The following ENTHD1 variants were observed in gnomAD, a reference collection of about 807,000 sequenced individuals.
The protein encoded by ENTHD1 is ENTH domain-containing protein 1.
Under a neutral mutation model 39.1 loss-of-function variants are expected in ENTHD1, and 23 were observed. The observed-to-expected ratio is 0.59, with a 90% CI of 0.42 to 0.83. The LOEUF (loss-of-function observed/expected upper bound fraction) is 0.83. ENTHD1 is among the 40% of genes least tolerant of loss of function. The probability of loss-of-function intolerance (pLI) is 0.00; values close to 1 mark genes in which losing one functional copy is unlikely to be tolerated. For synonymous variants in ENTHD1, 230 were observed against 258.2 expected, an observed-to-expected ratio of 0.89 and a Z score of 1.05; for missense variants, 624 against 705.4, an observed-to-expected ratio of 0.88 and a Z score of 1.31.
intron 2 of ENTHD1, among the ~76,000 whole-genome samples, chr22:39,864,780 T>C (rs1300633670): frequency 6.6e-6 from 1 of 152,096 alleles, no homozygotes; most frequent in African/African-American, 2.4e-5. Flanking sequence ...TAATCCCAAC[T>C]ACTCAGGTGG....
At chr22:39,892,213 G>A (rs1361878511) in intron 1 of ENTHD1, among the ~76,000 whole-genome samples, 4 of 152,140 alleles carry the variant, frequency 2.6e-5, no homozygotes, top group East Asian at 1.9e-4. Flanking sequence ...AAATGATTAC[G>A]TAGAAAAGGT....
chr22:39,756,183 C>G (rs181712727), intron 6 of ENTHD1, among the ~76,000 whole-genome samples: 1 of 152,310 alleles, frequency 6.6e-6, no homozygotes, highest in Admixed American at 6.5e-5. Flanking sequence ...AAGCCATGCT[C>G]TGACCAATTC....
intron 3 of ENTHD1, 93 bp from the exon 4 acceptor site, chr22:39,836,051 GATAC>G: frequency 1.1e-6 from 1 of 872,292 alleles, no homozygotes; most frequent in South Asian, 2.2e-5. Context: ...CACTTCTGAA[GATAC>G]CTTTTTTTCC....
chr22:39,815,229 G>A (rs560821212), intron 5 of ENTHD1, among the ~76,000 whole-genome samples: 3 of 152,194 alleles, frequency 2.0e-5, no homozygotes, highest in African/African-American at 4.8e-5. Context: ...GATCACCTGA[G>A]GTCAGGAGTT....
chr22:39,823,745 T>C (rs544493829), intron 4 of ENTHD1, among the ~76,000 whole-genome samples: 3 of 152,342 alleles, frequency 2.0e-5, no homozygotes, highest in African/African-American at 4.8e-5. Context: ...CCAAACTGTT[T>C]TCCAGAGTAG....
At chr22:39,800,085 G>A (rs1789989065) in intron 5 of ENTHD1, among the ~76,000 whole-genome samples, 2 of 152,194 alleles carry the variant, frequency 1.3e-5, no homozygotes, top group Non-Finnish European at 2.9e-5. Flanking sequence ...CTAGTCTTGG[G>A]GACCACAAGG....
chr22:39,832,752 G>C (rs1021906449), intron 4 of ENTHD1, among the ~76,000 whole-genome samples: 1 of 152,090 alleles, frequency 6.6e-6, no homozygotes, highest in Non-Finnish European at 1.5e-5. Context: ...AAACTGAAAG[G>C]CCCCCGGGGA....
chr22:39,804,854 A>G (rs2065628133), intron 5 of ENTHD1, among the ~76,000 whole-genome samples: 1 of 152,188 alleles, frequency 6.6e-6, no homozygotes, highest in South Asian at 2.1e-4. Context: ...TGTAACAGAT[A>G]AAGATTTGGG....
intron 3 of ENTHD1, among the ~76,000 whole-genome samples, chr22:39,850,116 T>C (rs992703481): frequency 5.3e-5 from 8 of 152,212 alleles, no homozygotes; most frequent in Non-Finnish European, 1.2e-4. Flanking sequence ...TCATCAATTA[T>C]AAAATCCATA....
chr22:39,874,464 G>C (rs766073564), intron 2 of ENTHD1: 4 of 151,978 alleles, frequency 2.6e-5, no homozygotes, highest in African/African-American at 7.3e-5. Context: ...CACATACAGC[G>C]GTGAGGAAGG....
Position 39,783,134 on chromosome 22 carries a change from A to G in ENTHD1, c.833-17525T>C, listed in dbSNP as rs1015373074. Among the ~76,000 whole-genome samples the G allele has an allele frequency of 9.9e-5, 15 of 152,184 alleles. No individual in the cohort carries two copies. The South Asian group carries it at 1.7e-3, about 17-fold the overall frequency. ...TCAGTAGCACTTATATATGCTAACA[A>G]TGCACAACCTGAAAAAGAAATCATA... On this transcript the variant is annotated intron_variant, in intron 5 of 6. Transcript: ENST00000325157.
intron 2 of ENTHD1, among the ~76,000 whole-genome samples, chr22:39,873,747 G>C (rs2066263208): frequency 1.3e-5 from 2 of 152,172 alleles, no homozygotes; most frequent in African/African-American, 4.8e-5. Context: ...AGATAAGAAT[G>C]AACTCTATCT....
intron 5 of ENTHD1, among the ~76,000 whole-genome samples, chr22:39,811,129 C>T (rs2065682446): frequency 6.6e-6 from 1 of 152,168 alleles, no homozygotes; most frequent in Non-Finnish European, 1.5e-5. Context: ...TTAGAGTATC[C>T]ACTGGTCTGG....
chr22:39,849,447 CA>C (rs535481618), intron 3 of ENTHD1, among the ~76,000 whole-genome samples: 172 of 152,202 alleles, frequency 1.1e-3, no homozygotes, highest in African/African-American at 4.1e-3. Flanking sequence ...TGATCTGTTT[CA>C]AAATATCAAT....
intron 6 of ENTHD1, among the ~76,000 whole-genome samples, chr22:39,760,472 C>T (rs893345208): frequency 3.3e-5 from 5 of 151,922 alleles, no homozygotes; most frequent in Non-Finnish European, 5.9e-5. Context: ...TTGCACAGTA[C>T]ATATTTTTAA....
chr22:39,825,232 C>A (rs908358985), intron 4 of ENTHD1, among the ~76,000 whole-genome samples: 23 of 152,024 alleles, frequency 1.5e-4, no homozygotes, highest in Non-Finnish European at 3.4e-4. Flanking sequence ...TAAATTTATA[C>A]CTAAGTATTT....
intron 6 of ENTHD1, among the ~76,000 whole-genome samples, chr22:39,753,266 T>C (rs2065160700): frequency 6.6e-6 from 1 of 152,240 alleles, no homozygotes; most frequent in Admixed American, 6.5e-5. Context: ...CCACCATTTC[T>C]AGCTTCCAAG....
chr22:39,844,059 A>G (rs1252646038), intron 3 of ENTHD1, among the ~76,000 whole-genome samples: 3 of 151,982 alleles, frequency 2.0e-5, no homozygotes, highest in Non-Finnish European at 4.4e-5. Context: ...TTGGTAGATG[A>G]ATTTTGAGAT....
intron 6 of ENTHD1, among the ~76,000 whole-genome samples, chr22:39,758,957 C>T (rs1183021823): frequency 6.6e-6 from 1 of 152,108 alleles, no homozygotes; most frequent in East Asian, 1.9e-4. Flanking sequence ...GGGGAAAAAT[C>T]CCACTTGGTC....
Sources: allele counts gnomAD v4.1 joint callset (sites outside exome capture counted in the v4.1 genomes callset), GRCh38; gene constraint gnomAD v4.1.1; transcripts MANE v1.5; gene names NCBI Gene and HGNC (gene_info 2026-07-23, HGNC 2026-07-21).